The following RABGAP1 variants were observed in gnomAD, a reference collection of about 807,000 sequenced individuals.
The protein encoded by RABGAP1 is rab GTPase-activating protein 1.
RABGAP1 carries 23 observed loss-of-function variants against 137.6 expected under a neutral mutation model. The ratio of observed to expected loss-of-function variants is 0.17; its 90% CI spans 0.12 to 0.24. The LOEUF (loss-of-function observed/expected upper bound fraction) is 0.24, where lower values mean the gene tolerates loss of function less well. RABGAP1 is among the 10% of genes least tolerant of loss of function. The pLI is 1.00. For missense variants in RABGAP1, 906 were observed against 1,275.8 expected (o/e 0.71, Z 4.42); for synonymous variants, 451 against 450.7 (o/e 1.00, Z -0.01).
chr9:122,978,473 G>A (rs1457949660), intron 2 of RABGAP1, among the ~76,000 whole-genome samples: 2 of 152,130 alleles, frequency 1.3e-5, no homozygotes, highest in Non-Finnish European at 2.9e-5. Context: ...TATGAATAAT[G>A]CATTAACATT....
chr9:123,050,395 A>ATC (rs1226333394), intron 13 of RABGAP1, among the ~76,000 whole-genome samples: 1 of 152,244 alleles, frequency 6.6e-6, no homozygotes, highest in Admixed American at 6.5e-5. Flanking sequence ...ACAAAGCAAT[A>ATC]TCTACACACA....
At chr9:123,014,574 T>A (rs2031071366) in intron 11 of RABGAP1, among the ~76,000 whole-genome samples, 1 of 152,100 alleles carries the variant, frequency 6.6e-6, no homozygotes, top group Admixed American at 6.6e-5. Flanking sequence ...TATTTTGCCG[T>A]ATCATTTGTA....
intron 2 of RABGAP1, among the ~76,000 whole-genome samples, chr9:122,966,280 T>C (rs1474286734): frequency 1.7e-4 from 26 of 152,128 alleles, no homozygotes; most frequent in Admixed American, 1.7e-3. Flanking sequence ...ATCCCAGCAC[T>C]ATGGGAGGCT....
chr9:122,992,000 T>G (rs1219938116), intron 6 of RABGAP1, among the ~76,000 whole-genome samples: 1 of 152,132 alleles, frequency 6.6e-6, no homozygotes, highest in African/African-American at 2.4e-5. Flanking sequence ...TTTAAGTAGT[T>G]TTTTACCTTG....
At position 122,946,563 on chromosome 9, in the gene RABGAP1, T is replaced by C. The variant is rs544638711; in HGVS notation, c.-50+5470T>C. ...AATCTGTACTAGCAAGTCAGGAATA[T>C]AATCTGACCTTGTGAATGAGTAGTA... On this transcript the variant is annotated intron_variant, in intron 1 of 25. Coordinates refer to ENST00000373647, the MANE Select transcript of RABGAP1 (RefSeq NM_012197.4). Among the ~76,000 whole-genome samples, 8 of 152,338 alleles carry C rather than the reference T, an allele frequency of 5.3e-5. No individual in the cohort carries two copies. In the South Asian group the frequency reaches 1.7e-3, roughly 32 times the overall value.
At chr9:123,011,484 A>C (rs2030803636) in intron 11 of RABGAP1, among the ~76,000 whole-genome samples, 1 of 152,114 alleles carries the variant, frequency 6.6e-6, no homozygotes, top group African/African-American at 2.4e-5. Flanking sequence ...GACTTTCTTC[A>C]TGTTTAGAGT....
rs1199557848 is a variant in RABGAP1 at position 123,099,511 on chromosome 9, C to G, written c.2851C>G (p.Gln951Glu). Residue 951 changes from glutamine to glutamate, a missense_variant, in exon 24 of 26, where the codon CAG becomes GAG. Gln to Glu is a conservative substitution (Grantham distance 29). This residue lies in a region of RABGAP1 where 193 missense variants were observed against 248.1 expected (regional missense o/e 0.78). Coordinates refer to ENST00000373647, the MANE Select transcript of RABGAP1 (RefSeq NM_012197.4). ...TCAGTTGAGTGAAAGATTGGAGAAG[C>G]AGCAGACAGCCAATAAGGTGGAAAT... ...CSQLSERLEK[Q>E]QTANKVEIEK... 2 of 1,612,970 alleles carry G rather than the reference C, an allele frequency of 1.2e-6. No homozygotes were observed. Among genetic ancestry groups the G allele is most frequent in the Non-Finnish European group, 8.5e-7 (1 of 1,178,980 alleles).
intron 1 of RABGAP1, among the ~76,000 whole-genome samples, chr9:122,942,085 C>T (rs576149470): frequency 7.7e-4 from 118 of 152,282 alleles, no homozygotes; most frequent in Non-Finnish European, 1.5e-3. Flanking sequence ...TATTTCCATT[C>T]ACATGTATTT....
rs568148731 is a variant in RABGAP1 at position 123,035,967 on chromosome 9, G to A, written c.1794+15508G>A. On this transcript the variant is annotated intron_variant, in intron 13 of 25. Coordinates refer to ENST00000373647, the MANE Select transcript of RABGAP1 (RefSeq NM_012197.4). ...ATGACTGAACCTGAGTGTGAAAAGC[G>A]TCAGCATTTTAAAAAGTCATCACTT... 9.2e-5 allele frequency among the ~76,000 whole-genome samples: 14 copies of A among 152,240 alleles called. 2 individuals are homozygous for A. The South Asian group carries it at 1.2e-3, about 14-fold the overall frequency.
At chr9:123,011,907 G>T (rs1481361913) in intron 11 of RABGAP1, among the ~76,000 whole-genome samples, 2 of 152,148 alleles carry the variant, frequency 1.3e-5, no homozygotes, top group Non-Finnish European at 2.9e-5. Context: ...GTGAGCCAAG[G>T]CTGCGCCATT....
At chr9:123,001,099 C>T (rs1014178612) in intron 10 of RABGAP1, among the ~76,000 whole-genome samples, 10 of 152,118 alleles carry the variant, frequency 6.6e-5, no homozygotes, top group Non-Finnish European at 1.2e-4. Context: ...CCATCTGCCT[C>T]GGCCTCCCAA....
intron 1 of RABGAP1, among the ~76,000 whole-genome samples, chr9:122,951,591 G>C (rs937631319): frequency 2.7e-5 from 4 of 148,472 alleles, no homozygotes; most frequent in African/African-American, 7.5e-5. Context: ...TTTTTTTTGA[G>C]ATGGGGTCTC....
At chr9:123,020,162 T>A in intron 12 of RABGAP1, 147 bp from the exon 13 acceptor site, 4 of 593,152 alleles carry the variant, frequency 6.7e-6, no homozygotes, top group Non-Finnish European at 1.0e-5. Context: ...TGGCCTCATC[T>A]AATTCAGAAG....
intron 2 of RABGAP1, among the ~76,000 whole-genome samples, chr9:122,964,307 T>C (rs1458694272): frequency 6.6e-6 from 1 of 152,008 alleles, no homozygotes; most frequent in East Asian, 1.9e-4. Context: ...GACACAAAAA[T>C]CCTTGAAATA....
At chr9:122,994,127 A>G (rs759483871) in intron 6 of RABGAP1, among the ~76,000 whole-genome samples, 10 of 152,226 alleles carry the variant, frequency 6.6e-5, no homozygotes, top group Non-Finnish European at 1.3e-4. Flanking sequence ...ATTTTATACA[A>G]TAGAAATTAA....
At chr9:123,044,330 A>G (rs1424436086) in intron 13 of RABGAP1, among the ~76,000 whole-genome samples, 1 of 152,196 alleles carries the variant, frequency 6.6e-6, no homozygotes, top group Non-Finnish European at 1.5e-5. Context: ...ATGGGGGCAT[A>G]ATAGCACTAT....
Position 122,984,673 on chromosome 9 carries a change from G to A in RABGAP1, c.339G>A (p.Gly113=). The A allele has an allele frequency of 6.2e-7, 1 of 1,614,114 alleles. No individual in the cohort carries two copies. Among genetic ancestry groups the A allele is most frequent in the Non-Finnish European group, 8.5e-7 (1 of 1,180,018 alleles). Residue 113 remains glycine (G), a synonymous_variant, in exon 3 of 26, where the codon GGG becomes GGA. Transcript: ENST00000373647. The part of the protein sequence containing the change: ...SSTINPVPLV[G]LQKPEMSLPV... ...CCATTAACCCTGTGCCATTAGTAGG[G>A]CTCCAAAAACCAGAGATGAGCCTAC... is the stretch of plus-strand genomic sequence containing the variant.
chr9:123,064,390 G>C (rs1016767178), intron 13 of RABGAP1, among the ~76,000 whole-genome samples: 3 of 152,202 alleles, frequency 2.0e-5, no homozygotes, highest in Non-Finnish European at 4.4e-5. Context: ...AGTTAGTTCA[G>C]ATCCCACAAC....
intron 13 of RABGAP1, chr9:123,035,559 A>G (rs771235317): frequency 6.2e-7 from 1 of 1,613,166 alleles, no homozygotes; most frequent in South Asian, 1.1e-5. Context: ...GTCAGACTAC[A>G]GCCAACGACC....
Sources: allele counts gnomAD v4.1 joint callset (sites outside exome capture counted in the v4.1 genomes callset), GRCh38; gene constraint gnomAD v4.1.1; regional missense constraint gnomAD v4.1.1; transcripts MANE v1.5; gene names NCBI Gene and HGNC (gene_info 2026-07-23, HGNC 2026-07-21).